ALK: variants seen among roughly 807,000 people sequenced by gnomAD.
ALK encodes ALK tyrosine kinase receptor.
In ALK, 74 loss-of-function variants were observed where a neutral mutation model predicts 163.1. The ratio of observed to expected loss-of-function variants is 0.45; its 90% CI spans 0.38 to 0.55. The LOEUF (loss-of-function observed/expected upper bound fraction) is 0.55. Among genes scored for constraint, ALK ranks in the 20% least tolerant of loss-of-function variants. The pLI is 0.00. For synonymous variants in ALK, 960 were observed against 843.2 expected (o/e 1.14, Z -2.40); for missense variants, 2,063 against 2,105.3 (o/e 0.98, Z 0.39).
At chr2:29,355,996 A>G (rs1668236973) in intron 5 of ALK, among the ~76,000 whole-genome samples, 1 of 152,166 alleles carries the variant, frequency 6.6e-6, no homozygotes, top group Non-Finnish European at 1.5e-5. Flanking sequence ...CATCATGGGA[A>G]TATTTACACT....
intron 3 of ALK, among the ~76,000 whole-genome samples, chr2:29,539,006 CTATT>C (rs1673337678): frequency 6.6e-6 from 1 of 151,968 alleles, no homozygotes; most frequent in Non-Finnish European, 1.5e-5. Flanking sequence ...AAAGATGAGG[CTATT>C]TAGTCTTCCT....
chr2:29,886,711 A>G (rs1416512084), intron 1 of ALK, among the ~76,000 whole-genome samples: 1 of 152,228 alleles, frequency 6.6e-6, no homozygotes, highest in Admixed American at 6.5e-5. Context: ...CACTTTGCAC[A>G]AGTTATATCA....
chr2:29,556,747 C>A (rs948581453), intron 3 of ALK, among the ~76,000 whole-genome samples: 6 of 152,164 alleles, frequency 3.9e-5, no homozygotes, highest in African/African-American at 1.4e-4. Flanking sequence ...CAATATTCTA[C>A]CTGCACAGGT....
intron 4 of ALK, among the ~76,000 whole-genome samples, chr2:29,395,237 C>T (rs1451724523): frequency 6.6e-6 from 1 of 152,240 alleles, no homozygotes; most frequent in Admixed American, 6.5e-5. Context: ...TCCATTTCAG[C>T]CATAAATCTC....
intron 3 of ALK, among the ~76,000 whole-genome samples, chr2:29,537,153 A>G (rs1673280046): frequency 1.3e-5 from 2 of 152,234 alleles, no homozygotes; most frequent in Non-Finnish European, 1.5e-5. Context: ...CTGTGGAGCA[A>G]CTCGCTAAGC....
At chr2:29,391,062 G>A (rs1350687078) in intron 4 of ALK, among the ~76,000 whole-genome samples, 1 of 152,176 alleles carries the variant, frequency 6.6e-6, no homozygotes, top group East Asian at 1.9e-4. Flanking sequence ...GGGGGGCCAA[G>A]GCAGGGCTGG....
intron 11 of ALK, among the ~76,000 whole-genome samples, chr2:29,258,702 T>G (rs1665011229): frequency 6.6e-6 from 1 of 152,230 alleles, no homozygotes; most frequent in South Asian, 2.1e-4. Context: ...ACGTCTTTGG[T>G]CAGTGGTAGC....
intron 4 of ALK, among the ~76,000 whole-genome samples, chr2:29,384,820 AGGTG>A (rs1189897468): frequency 6.6e-6 from 1 of 152,192 alleles, no homozygotes; most frequent in Non-Finnish European, 1.5e-5. Context: ...TGGGAGGCCA[AGGTG>A]GGCGGATCAT....
intron 4 of ALK, among the ~76,000 whole-genome samples, chr2:29,419,262 C>A (rs939546285): frequency 6.6e-6 from 1 of 151,310 alleles, no homozygotes; most frequent in Non-Finnish European, 1.5e-5. Flanking sequence ...ACCATGTTGG[C>A]CAGTCTGGTC....
chr2:29,377,435 A>G (rs1462959960), intron 5 of ALK, among the ~76,000 whole-genome samples: 1 of 147,404 alleles, frequency 6.8e-6, no homozygotes, highest in African/African-American at 2.5e-5. Flanking sequence ...AGATGGCGCC[A>G]CTGTACTCCA....
rs1667025386 is a variant in ALK at position 29,320,995 on chromosome 2, CTCCCCAG to C, written c.1415-120_1415-114del. 6 of 1,324,518 alleles carry C rather than the reference CTCCCCAG, an allele frequency of 4.5e-6. No individual in the cohort carries two copies. The East Asian group carries it at 1.4e-4, about 30-fold the overall frequency. 82.0% of individuals were successfully genotyped at this position (1,324,518 alleles called of 1,614,324 possible). A position where few individuals can be genotyped will look rare whatever the true frequency, so the allele number is the denominator to read the frequency against. ...CAAATTATCTTCATTAGTAATATAG[CTCCCCAG>C]CCAGAATGCTGGATGACTAATGACA... On this transcript the variant is annotated intron_variant, in intron 6 of 28. Coordinates refer to ENST00000389048, the MANE Select transcript of ALK (RefSeq NM_004304.5).
intron 1 of ALK, among the ~76,000 whole-genome samples, chr2:29,797,228 A>G (rs1344182767): frequency 6.6e-6 from 1 of 152,200 alleles, no homozygotes; most frequent in Non-Finnish European, 1.5e-5. Flanking sequence ...CCCATCCTGT[A>G]TATTCTAACC....
At chr2:29,393,356 T>C (rs1028328544) in intron 4 of ALK, among the ~76,000 whole-genome samples, 1 of 152,140 alleles carries the variant, frequency 6.6e-6, no homozygotes, top group African/African-American at 2.4e-5. Context: ...AAATCAGTCA[T>C]AGGAACTAGC....
intron 1 of ALK, among the ~76,000 whole-genome samples, chr2:29,816,413 C>T (rs1222562303): frequency 6.6e-6 from 1 of 152,154 alleles, no homozygotes; most frequent in Non-Finnish European, 1.5e-5. Context: ...TAAACAGTGG[C>T]CTCCTAATCC....
At chr2:29,513,167 A>G (rs1369114075) in intron 4 of ALK, among the ~76,000 whole-genome samples, 1 of 148,584 alleles carries the variant, frequency 6.7e-6, no homozygotes, top group Non-Finnish European at 1.5e-5. Context: ...TTCATACGGA[A>G]CCAAAAAAGA....
intron 1 of ALK, among the ~76,000 whole-genome samples, chr2:29,726,295 C>G (rs1003073499): frequency 6.6e-6 from 1 of 152,114 alleles, no homozygotes; most frequent in African/African-American, 2.4e-5. Flanking sequence ...CCTATTTTCT[C>G]CCCCCAAAAT....
intron 1 of ALK, among the ~76,000 whole-genome samples, chr2:29,863,368 T>C (rs567152058): frequency 3.3e-5 from 5 of 152,234 alleles, no homozygotes; most frequent in African/African-American, 1.2e-4. Flanking sequence ...TTGCAAACCA[T>C]ACATGTATAA....
At chr2:29,906,526 C>T (rs920055901) in intron 1 of ALK, among the ~76,000 whole-genome samples, 6 of 152,098 alleles carry the variant, frequency 3.9e-5, no homozygotes, top group Admixed American at 2.6e-4. Flanking sequence ...GTTTGAAGGA[C>T]CCTCATGTTG....
intron 1 of ALK, among the ~76,000 whole-genome samples, chr2:29,758,359 C>A (rs1394475742): frequency 6.6e-6 from 1 of 152,114 alleles, no homozygotes; most frequent in Non-Finnish European, 1.5e-5. Flanking sequence ...CAGCTGCCTG[C>A]TGGCCTTGGT....
Sources: gnomAD v4.1 joint callset for allele counts (sites outside exome capture counted in the v4.1 genomes callset) on GRCh38, gnomAD v4.1.1 for gene constraint, MANE v1.5 for transcripts, NCBI Gene and HGNC (gene_info 2026-07-23, HGNC 2026-07-21) for gene names.